Variants in ZNF564 observed in about 807,000 individuals in gnomAD.
The protein encoded by ZNF564 is zinc finger protein 564.
Under a neutral mutation model 10.5 loss-of-function variants are expected in ZNF564, and 5 were observed. The observed-to-expected ratio is 0.48, with a 90% CI of 0.25 to 1.00. The LOEUF (loss-of-function observed/expected upper bound fraction) is 1.00. ZNF564 is among the 50% of genes least tolerant of loss of function. ZNF564 has a pLI of 0.16. For synonymous variants in ZNF564, 242 were observed against 218.1 expected (o/e 1.11, Z -0.97); for missense variants, 603 against 669.7 (o/e 0.90, Z 1.10).
intron 1 of ZNF564, among the ~76,000 whole-genome samples, chr19:12,543,969 T>G (rs538641207): frequency 6.6e-6 from 1 of 152,184 alleles, no homozygotes; most frequent in Admixed American, 6.6e-5. Context: ...GAGGATATAA[T>G]GAGAGATGAT....
Position 12,534,235 on chromosome 19 carries a change from A to T in ZNF564, c.4-5539T>A, listed in dbSNP as rs2021864229. Among the ~76,000 whole-genome samples, 3 of 152,330 alleles carry T rather than the reference A, an allele frequency of 2.0e-5. No homozygotes were observed. The South Asian group carries it at 6.2e-4, about 32-fold the overall frequency. On this transcript the variant is annotated intron_variant, in intron 1 of 3. Transcript: ENST00000339282. ...ACAAGACAGAGGAAATAAAAAGTAT[A>T]TCGATTTAGAAGGAAGAAATAAAAT...
At chr19:12,546,768 T>C (rs867744270) in intron 1 of ZNF564, among the ~76,000 whole-genome samples, 4 of 152,248 alleles carry the variant, frequency 2.6e-5, no homozygotes, top group African/African-American at 4.8e-5. Context: ...CAAATTCCCA[T>C]TGTTTACTTC....
intron 1 of ZNF564, among the ~76,000 whole-genome samples, chr19:12,534,940 C>T (rs1454924592): frequency 1.3e-5 from 2 of 152,104 alleles, no homozygotes; most frequent in African/African-American, 4.8e-5. Context: ...GAGTTTTATT[C>T]ATAATTTCTA....
At chr19:12,532,902 T>C (rs1419796470) in intron 1 of ZNF564, 2 of 152,126 alleles carry the variant, frequency 1.3e-5, no homozygotes, top group African/African-American at 2.4e-5. Flanking sequence ...AAAAATACAC[T>C]AATCTACTTG....
chr19:12,542,708 G>C (rs909618746), intron 1 of ZNF564, among the ~76,000 whole-genome samples: 1 of 151,414 alleles, frequency 6.6e-6, no homozygotes, highest in Admixed American at 6.6e-5. Flanking sequence ...AAGAAAGGAA[G>C]GAAAAGAAAA....
In ZNF564 at chr19:12,528,407, T is replaced by G. The variant is rs749499177; in HGVS notation, c.131-43A>C. 1.5e-5 allele frequency: 23 copies of G among 1,580,066 alleles called. No homozygotes were observed. In the East Asian group the frequency reaches 5.2e-4, roughly 35 times the overall value. ...AAAATCCTTATGAACTGATAGACAT[T>G]ACAGAAAAATGACTAGATTCTAAGT... On this transcript the variant is annotated intron_variant, in intron 2 of 3. Transcript: ENST00000339282.
intron 1 of ZNF564, among the ~76,000 whole-genome samples, chr19:12,534,243 AG>A (rs2021864623): frequency 2.0e-5 from 3 of 152,248 alleles, no homozygotes; most frequent in Non-Finnish European, 4.4e-5. Flanking sequence ...ATATCGATTT[AG>A]AAGGAAGAAA....
intron 1 of ZNF564, chr19:12,548,072 G>A: frequency 3.9e-6 from 3 of 759,918 alleles, no homozygotes; most frequent in Non-Finnish European, 4.8e-6. Flanking sequence ...CCTCCCAAAG[G>A]GCTGGGATTA....
At position 12,527,480 on chromosome 19, in the gene ZNF564, T is replaced by G. The variant is rs759768657; in HGVS notation, c.628A>C (p.Ser210Arg). ...GTTCTTTCATGTATCTGAAATAAAC[T>G]TGGGCGATCAAAGGCTTTCCCACAT... ...QECGKAFDRP[S>R]LFQIHERTHT... is the part of the protein sequence containing the mutation. The change falls in exon 4 of 4, where the codon AGT becomes CGT. Residue 210 changes from serine (S) to arginine (R), a missense_variant. Coordinates refer to ENST00000339282, the MANE Select transcript of ZNF564 (RefSeq NM_144976.4). 4.3e-6 allele frequency: 7 copies of G among 1,613,932 alleles called. No homozygotes were observed. The African/African-American group carries it at 9.3e-5, about 22-fold the overall frequency.
chr19:12,529,320 T>G (rs2021753389), intron 1 of ZNF564, among the ~76,000 whole-genome samples: 1 of 151,428 alleles, frequency 6.6e-6, no homozygotes, highest in South Asian at 2.1e-4. Flanking sequence ...AGAAAACAAA[T>G]TTTGGCCAGG....
rs555349242 is a variant in ZNF564 at position 12,527,873 on chromosome 19, G to C, written c.235C>G (p.Gln79Glu). 44 of 1,611,594 alleles carry C rather than the reference G, an allele frequency of 2.7e-5. 1 individual carries two copies. In the South Asian group the frequency reaches 4.5e-4, roughly 17 times the overall value. ...ATCTGACTGAAGGCTTCTCCACATTGATCATATTCTTTACTTTCACTGAGT... is the reference window on the plus strand; with the variant it reads ...ATCTGACTGAAGGCTTCTCCACATTCATCATATTCTTTACTTTCACTGAGT... ...EGLSESKEYD[Q>E]CGEAFSQILN... is the part of the protein sequence containing the mutation. Residue 79 changes from glutamine to glutamate, a missense_variant, in exon 4 of 4, where the codon CAA becomes GAA. Transcript: ENST00000339282.
At chr19:12,545,670 AAAC>A (rs1313959280) in intron 1 of ZNF564, among the ~76,000 whole-genome samples, 1 of 152,200 alleles carries the variant, frequency 6.6e-6, no homozygotes, top group Non-Finnish European at 1.5e-5. Flanking sequence ...GAACTTAGCA[AAAC>A]ATGTTACTTA....
intron 1 of ZNF564, among the ~76,000 whole-genome samples, chr19:12,547,080 G>A (rs2022169462): frequency 1.3e-5 from 2 of 152,186 alleles, no homozygotes; most frequent in African/African-American, 4.8e-5. Context: ...TTTAGGGGAA[G>A]AGGAGGGGAG....
At chr19:12,546,718 A>C (rs1476203460) in intron 1 of ZNF564, among the ~76,000 whole-genome samples, 1 of 152,096 alleles carries the variant, frequency 6.6e-6, no homozygotes, top group Non-Finnish European at 1.5e-5. Context: ...GTGACAGAGC[A>C]AGACTCTGTC....
intron 1 of ZNF564, among the ~76,000 whole-genome samples, chr19:12,549,242 T>C (rs567080505): frequency 6.6e-6 from 1 of 152,314 alleles, no homozygotes; most frequent in East Asian, 1.9e-4. Context: ...CTACATTTAA[T>C]GAAAAACAGG....
At chr19:12,535,254 T>G (rs1206006291) in intron 1 of ZNF564, among the ~76,000 whole-genome samples, 3 of 151,978 alleles carry the variant, frequency 2.0e-5, no homozygotes, top group Non-Finnish European at 2.9e-5. Flanking sequence ...ACACCTGTAA[T>G]CCCAGCTACT....
At position 12,544,662 on chromosome 19, in the gene ZNF564, C is replaced by G. The variant is rs554687434; in HGVS notation, c.3+6668G>C. Reference sequence around the variant, plus strand: ...CACAGAGAGGCTGCAGGGACCACCTCTCAGTCACCATGTGACTCCACGAAA... The same window carrying G: ...CACAGAGAGGCTGCAGGGACCACCTGTCAGTCACCATGTGACTCCACGAAA... On this transcript the variant is annotated intron_variant, in intron 1 of 3. Coordinates refer to ENST00000339282, the MANE Select transcript of ZNF564 (RefSeq NM_144976.4). Among the ~76,000 whole-genome samples the G allele has an allele frequency of 8.7e-4, 133 of 152,284 alleles. No homozygotes were observed. The Middle Eastern group carries it at 0.017, about 19-fold the overall frequency.
chr19:12,529,182 ATAAATT>A (rs2021751592), intron 1 of ZNF564, among the ~76,000 whole-genome samples: 4 of 152,356 alleles, frequency 2.6e-5, no homozygotes, highest in East Asian at 3.8e-4. Context: ...TCACTTTCTC[ATAAATT>A]TAATTACCCC....
At chr19:12,528,107 A>T (rs1203988122) in intron 3 of ZNF564, among the ~76,000 whole-genome samples, 191 bp from the exon 4 acceptor site, 9 of 152,176 alleles carry the variant, frequency 5.9e-5, no homozygotes, top group African/African-American at 9.7e-5. Flanking sequence ...TGATATCCAT[A>T]TATACAGTTT....
Sources: allele counts gnomAD v4.1 joint callset (sites outside exome capture counted in the v4.1 genomes callset), GRCh38; gene constraint gnomAD v4.1.1; transcripts MANE v1.5; gene names NCBI Gene and HGNC (gene_info 2026-07-23, HGNC 2026-07-21).